LMBR1: variants seen among roughly 807,000 people sequenced by gnomAD.
The protein encoded by LMBR1 is limb region 1 protein homolog.
LMBR1 carries 52 observed loss-of-function variants against 73.9 expected under a neutral mutation model. That is an observed-to-expected ratio of 0.70 (90% confidence interval 0.56 to 0.89). LMBR1 has a LOEUF of 0.89. LMBR1 is among the 40% of genes least tolerant of loss of function. The probability of loss-of-function intolerance (pLI) is 0.00; values close to 1 mark genes in which losing one functional copy is unlikely to be tolerated. For synonymous variants in LMBR1, 215 were observed against 209.4 expected (o/e 1.03, Z -0.23); for missense variants, 539 against 579.8 (o/e 0.93, Z 0.72).
At position 156,680,984 on chromosome 7, in the gene LMBR1, A is replaced by G; in HGVS notation, c.*3094T>C. The G allele has an allele frequency of 6.5e-6, 2 of 309,498 alleles. No homozygotes were observed. The highest frequency in any genetic ancestry group is 5.4e-5 in the South Asian group (2 of 37,076). 19.2% of individuals were successfully genotyped at this position (309,498 alleles called of 1,614,324 possible). ...AATTTGTAAACAAAACAATCTGTAA[A>G]CAAAAATCAATTACTAGTGTGTCCA... On this transcript the variant is annotated 3_prime_UTR_variant, in exon 17 of 17. Transcript: ENST00000353442.
intron 15 of LMBR1, among the ~76,000 whole-genome samples, chr7:156,701,027 T>C (rs1219133166): frequency 1.3e-5 from 2 of 152,086 alleles, no homozygotes; most frequent in Admixed American, 1.3e-4. Flanking sequence ...CCATCAGATC[T>C]CATGAGATTT....
At position 156,791,621 on chromosome 7, in the gene LMBR1, C is replaced by A. The variant is rs985525676; in HGVS notation, c.423+4768G>T. On this transcript the variant is annotated intron_variant, in intron 5 of 16. Transcript: ENST00000353442. ...TGCTCAGCTTTATAGACATTCCAAGCACCAGCACAGAACTCTTCGCTTCCA... is the reference window on the plus strand; with the variant it reads ...TGCTCAGCTTTATAGACATTCCAAGAACCAGCACAGAACTCTTCGCTTCCA... Among the ~76,000 whole-genome samples the A allele has an allele frequency of 7.2e-5, 11 of 152,194 alleles. No homozygotes were observed. The highest frequency in any genetic ancestry group is 4.4e-5 in the Non-Finnish European group (3 of 68,020).
intron 1 of LMBR1, among the ~76,000 whole-genome samples, chr7:156,883,207 C>T (rs1233823776): frequency 1.3e-5 from 2 of 151,992 alleles, no homozygotes; most frequent in East Asian, 1.9e-4. Flanking sequence ...TCAAGACCAC[C>T]CTGGCCAACA....
Position 156,730,607 on chromosome 7 carries a change from A to G in LMBR1, c.839-1887T>C, listed in dbSNP as rs139734637. On this transcript the variant is annotated intron_variant, in intron 10 of 16. Coordinates refer to ENST00000353442, the MANE Select transcript of LMBR1 (RefSeq NM_022458.4). ...CCATGCAGAGTTTCTATAGTTTTGTATAAGAAATATCTGGCATTCAATTAA... is the reference window on the plus strand; with the variant it reads ...CCATGCAGAGTTTCTATAGTTTTGTGTAAGAAATATCTGGCATTCAATTAA... Among the ~76,000 whole-genome samples the G allele has an allele frequency of 4.4e-3, 675 of 152,304 alleles. 4 individuals carry two copies. Among genetic ancestry groups the G allele is most frequent in the African/African-American group, 0.016 (650 of 41,576 alleles).
At chr7:156,798,779 G>A (rs1048907786) in intron 4 of LMBR1, among the ~76,000 whole-genome samples, 5 of 151,890 alleles carry the variant, frequency 3.3e-5, no homozygotes, top group South Asian at 2.1e-4. Flanking sequence ...ATACATGACC[G>A]TTTCAAATCA....
intron 4 of LMBR1, chr7:156,823,808 C>CA (rs1357404405): frequency 6.6e-6 from 1 of 152,172 alleles, no homozygotes; most frequent in Non-Finnish European, 1.5e-5. Flanking sequence ...TACACACATG[C>CA]AGCCGGGCAC....
rs1325125424 is a variant in LMBR1 at position 156,678,646 on chromosome 7, C to G, written c.*5432G>C. The G allele has an allele frequency of 6.6e-6, 1 of 152,158 alleles. No individual in the cohort carries two copies. Among genetic ancestry groups the G allele is most frequent in the Non-Finnish European group, 1.5e-5 (1 of 68,040 alleles). The allele number at this position is 152,158 out of a possible 1,614,324, so 9.4% of individuals were successfully genotyped here. A position where few individuals can be genotyped will look rare whatever the true frequency, so the allele number is the denominator to read the frequency against. On this transcript the variant is annotated 3_prime_UTR_variant, in exon 17 of 17. Coordinates refer to ENST00000353442, the MANE Select transcript of LMBR1 (RefSeq NM_022458.4). ...TTGGAAACATGAGTTCATGGGAGGA[C>G]TCAGCGGACAGGGAGAGCCCTGTCT...
At chr7:156,856,500 C>T (rs552318725) in intron 1 of LMBR1, among the ~76,000 whole-genome samples, 64 of 152,034 alleles carry the variant, frequency 4.2e-4, no homozygotes, top group African/African-American at 1.5e-3. Context: ...GTGGGTGGAT[C>T]ACTTGGGCCC....
intron 12 of LMBR1, among the ~76,000 whole-genome samples, chr7:156,727,135 A>C (rs1302056022): frequency 2.6e-5 from 4 of 152,204 alleles, no homozygotes; most frequent in African/African-American, 9.6e-5. Context: ...ACCTTCCAAT[A>C]GGTTAGAAAA....
intron 15 of LMBR1, among the ~76,000 whole-genome samples, chr7:156,720,938 A>G (rs984097425): frequency 3.3e-5 from 5 of 152,036 alleles, no homozygotes; most frequent in African/African-American, 1.2e-4. Flanking sequence ...GATTACCAAA[A>G]CCCCAAATAA....
At chr7:156,829,125 C>T (rs987003996) in intron 3 of LMBR1, among the ~76,000 whole-genome samples, 26 of 152,328 alleles carry the variant, frequency 1.7e-4, no homozygotes, top group Admixed American at 1.6e-3. Context: ...GCAGGACTTG[C>T]GTCAGGAATA....
chr7:156,785,272 G>C (rs749705932), intron 5 of LMBR1, among the ~76,000 whole-genome samples: 7 of 152,026 alleles, frequency 4.6e-5, no homozygotes, highest in Non-Finnish European at 1.0e-4. Context: ...GCAAGACTCT[G>C]TCTCAAAAAA....
intron 5 of LMBR1, among the ~76,000 whole-genome samples, chr7:156,773,298 C>G (rs1171025832): frequency 6.6e-6 from 1 of 151,976 alleles, no homozygotes; most frequent in Non-Finnish European, 1.5e-5. Flanking sequence ...CAATGCTATT[C>G]CTATCAAACT....
intron 4 of LMBR1, among the ~76,000 whole-genome samples, chr7:156,672,743 C>A (rs189061677): frequency 6.9e-4 from 105 of 152,318 alleles, no homozygotes; most frequent in Non-Finnish European, 1.3e-3. Flanking sequence ...TTATATGTGG[C>A]CCGCACACTT....
chr7:156,820,239 G>A (rs1314323639), intron 4 of LMBR1, among the ~76,000 whole-genome samples: 2 of 152,120 alleles, frequency 1.3e-5, no homozygotes, highest in African/African-American at 4.8e-5. Context: ...TGCAGCTACT[G>A]ATCTGGCAAA....
chr7:156,837,786 C>CTTTT (rs200071206), intron 1 of LMBR1, among the ~76,000 whole-genome samples: 4 of 135,324 alleles, frequency 3.0e-5, no homozygotes, highest in South Asian at 2.3e-4. Context: ...TTTAATTTTG[C>CTTTT]TTTTTTTTTT....
intron 15 of LMBR1, among the ~76,000 whole-genome samples, chr7:156,717,706 AT>A (rs1218326264): frequency 4.6e-5 from 7 of 152,212 alleles, no homozygotes; most frequent in African/African-American, 1.7e-4. Context: ...GATAAAGGAA[AT>A]TATTTCAAAA....
chr7:156,891,190 C>CAAAAAAAAAAA (rs58107543), intron 1 of LMBR1, among the ~76,000 whole-genome samples: 5 of 20,674 alleles, frequency 2.4e-4, no homozygotes, highest in African/African-American at 8.8e-4. Flanking sequence ...GACTCCATCA[C>CAAAAAAAAAAA]AAAAAAAAAA....
intron 5 of LMBR1, among the ~76,000 whole-genome samples, chr7:156,764,694 G>A (rs1169144176): frequency 6.6e-6 from 1 of 152,116 alleles, no homozygotes; most frequent in Non-Finnish European, 1.5e-5. Context: ...ATAAAAATAT[G>A]AGTTATAAAA....
Sources: allele counts gnomAD v4.1 joint callset (sites outside exome capture counted in the v4.1 genomes callset), GRCh38; gene constraint gnomAD v4.1.1; transcripts MANE v1.5; gene names NCBI Gene and HGNC (gene_info 2026-07-23, HGNC 2026-07-21).